Variants in GSK3B observed in about 807,000 individuals in gnomAD.
GSK3B encodes the protein glycogen synthase kinase 3 beta, also known as glycogen synthase kinase-3 beta.
GSK3B carries 15 observed loss-of-function variants against 56.4 expected under a neutral mutation model. The ratio of observed to expected loss-of-function variants is 0.27; its 90% CI spans 0.18 to 0.41. The LOEUF is 0.41. GSK3B is among the 10% of genes least tolerant of loss of function. The pLI, the probability that GSK3B is intolerant of heterozygous loss-of-function variation, is 1.00. For synonymous variants in GSK3B, 181 were observed against 188.9 expected, an observed-to-expected ratio of 0.96 and a Z score of 0.34; for missense variants, 300 against 513.4, an observed-to-expected ratio of 0.58 and a Z score of 4.02.
At position 119,825,808 on chromosome 3, in the gene GSK3B, C is replaced by T. The variant is rs1443442682; in HGVS notation, c.*980G>A. 9.1e-6 allele frequency: 2 copies of T among 220,326 alleles called. No homozygotes were observed. The highest frequency in any genetic ancestry group is 1.8e-5 in the Non-Finnish European group (2 of 110,130). 13.6% of individuals were successfully genotyped at this position (220,326 alleles called of 1,614,324 possible). A position where few individuals can be genotyped will look rare whatever the true frequency, so the allele number is the denominator to read the frequency against. ...ACATTATTTAACTACAATGTCCTCT[C>T]AAGTGTATCTTTCCAAGGGAAGTAA... On this transcript the variant is annotated 3_prime_UTR_variant, in exon 11 of 11. Coordinates refer to ENST00000264235, the MANE Select transcript of GSK3B (RefSeq NM_001146156.2).
Position 119,863,868 on chromosome 3 carries a change from C to T in GSK3B, c.910-263G>A, listed in dbSNP as rs550606959. ...AATCAGACATGCATACAAAATATGA[C>T]AGGCACATGGGAAAGGCTGAGTTCT... On this transcript the variant is annotated intron_variant, in intron 8 of 10. Transcript: ENST00000264235. 1.0e-3 allele frequency among the ~76,000 whole-genome samples: 158 copies of T among 152,256 alleles called. 1 individual carries two copies. Among genetic ancestry groups the T allele is most frequent in the Non-Finnish European group, 1.2e-4 (8 of 68,028 alleles).
intron 7 of GSK3B, among the ~76,000 whole-genome samples, chr3:119,901,463 A>C (rs1259689871): frequency 6.6e-6 from 1 of 152,198 alleles, no homozygotes; most frequent in Non-Finnish European, 1.5e-5. Context: ...AACTTATTCT[A>C]AAGATAATGT....
chr3:119,921,767 A>G (rs2056841822), intron 4 of GSK3B, among the ~76,000 whole-genome samples: 1 of 152,224 alleles, frequency 6.6e-6, no homozygotes, highest in Non-Finnish European at 1.5e-5. Flanking sequence ...GCAAATATAA[A>G]CTGGGTATCT....
intron 2 of GSK3B, among the ~76,000 whole-genome samples, chr3:119,998,202 C>T (rs2057642687): frequency 1.3e-5 from 2 of 152,162 alleles, no homozygotes; most frequent in African/African-American, 4.8e-5. Context: ...TCCTGGTATT[C>T]ACACCCTTGT....
Position 119,939,086 on chromosome 3 carries a change from T to TG in GSK3B, c.366+8181dup, listed in dbSNP as rs906904994. ...AAGCTTTTGGGGCTAAAAGGGGGGC[T>TG]GGGGGGAGAGAAAATAGTGAGATAT... is the stretch of plus-strand genomic sequence containing the variant. On this transcript the variant is annotated intron_variant, in intron 3 of 10. Coordinates refer to ENST00000264235, the MANE Select transcript of GSK3B (RefSeq NM_001146156.2). Among the ~76,000 whole-genome samples the TG allele has an allele frequency of 3.3e-5, 5 of 149,910 alleles. No individual in the cohort carries two copies. The East Asian group carries it at 9.7e-4, about 29-fold the overall frequency.
intron 2 of GSK3B, among the ~76,000 whole-genome samples, chr3:119,988,922 G>T (rs760500691): frequency 2.0e-5 from 3 of 152,116 alleles, no homozygotes; most frequent in Non-Finnish European, 4.4e-5. Flanking sequence ...ACTGGAAAAA[G>T]AAAATTATAT....
At chr3:120,092,827 T>C (rs567638961) in intron 1 of GSK3B, among the ~76,000 whole-genome samples, 86 of 152,320 alleles carry the variant, frequency 5.6e-4, no homozygotes, top group African/African-American at 1.6e-3. Context: ...GAACAAATAT[T>C]ATGTGTAGTC....
At chr3:119,878,673 AT>A (rs959444504) in intron 7 of GSK3B, among the ~76,000 whole-genome samples, 34 of 152,152 alleles carry the variant, frequency 2.2e-4, no homozygotes, top group African/African-American at 3.4e-4. Flanking sequence ...TGCATAGCAT[AT>A]TTTTTTTAAC....
intron 2 of GSK3B, among the ~76,000 whole-genome samples, chr3:119,995,694 G>C (rs1364730370): frequency 6.7e-6 from 1 of 150,318 alleles, no homozygotes; most frequent in Non-Finnish European, 1.5e-5. Flanking sequence ...AAAGTGCTGG[G>C]ATTACAGGCA....
In GSK3B at chr3:119,861,763, C is replaced by A. The variant is rs114898010; in HGVS notation, c.1096+1656G>T. On this transcript the variant is annotated intron_variant, in intron 9 of 10. Transcript: ENST00000264235. ...GGGGCCATACCTCAAAATGATAGCA[C>A]TTTCAATAATATACTTAGTATGCGT... Among the ~76,000 whole-genome samples, 651 of 152,286 alleles carry A rather than the reference C, an allele frequency of 4.3e-3. 8 individuals are homozygous for A. Among genetic ancestry groups the A allele is most frequent in the Middle Eastern group, 0.02 (6 of 294 alleles).
chr3:120,076,959 G>A (rs2058372453), intron 1 of GSK3B, among the ~76,000 whole-genome samples: 1 of 151,458 alleles, frequency 6.6e-6, no homozygotes, highest in Non-Finnish European at 1.5e-5. Flanking sequence ...ACCATGATGA[G>A]ATACCACCTC....
At chr3:119,926,627 C>T (rs753351193) in intron 3 of GSK3B, among the ~76,000 whole-genome samples, 1 of 152,090 alleles carries the variant, frequency 6.6e-6, no homozygotes, top group Non-Finnish European at 1.5e-5. Context: ...ACTACACACC[C>T]ATCTCATTAT....
At chr3:120,087,661 C>T (rs1467129330) in intron 1 of GSK3B, among the ~76,000 whole-genome samples, 1 of 152,078 alleles carries the variant, frequency 6.6e-6, no homozygotes, top group Non-Finnish European at 1.5e-5. Context: ...CCATGGTACT[C>T]TGGAAATAAA....
At chr3:119,866,113 T>C (rs959615762) in intron 8 of GSK3B, among the ~76,000 whole-genome samples, 1 of 152,134 alleles carries the variant, frequency 6.6e-6, no homozygotes, top group Non-Finnish European at 1.5e-5. Context: ...CTGACCATAA[T>C]ACAGGGTGAG....
intron 3 of GSK3B, 78 bp downstream of exon 3, chr3:119,947,190 T>C: frequency 1.2e-6 from 1 of 866,590 alleles, no homozygotes. Flanking sequence ...AAACTGTCTA[T>C]GAGCGGTGGG....
intron 1 of GSK3B, among the ~76,000 whole-genome samples, chr3:120,035,765 TCA>T (rs2058017381): frequency 6.6e-6 from 1 of 152,244 alleles, no homozygotes; most frequent in South Asian, 2.1e-4. Context: ...TTCCTTAATT[TCA>T]GTTTCAGTTT....
chr3:119,861,824 T>C (rs1366695351), intron 9 of GSK3B, among the ~76,000 whole-genome samples: 4 of 152,056 alleles, frequency 2.6e-5, no homozygotes, highest in South Asian at 4.2e-4. Context: ...AGGATGAAAA[T>C]TGCCTAATAA....
intron 10 of GSK3B, among the ~76,000 whole-genome samples, chr3:119,833,311 T>C (rs1186325615): frequency 3.3e-5 from 5 of 152,040 alleles, no homozygotes; most frequent in Non-Finnish European, 7.4e-5. Context: ...AAAATAAACA[T>C]AGGAGACAGG....
chr3:119,904,655 C>A (rs536922758), intron 7 of GSK3B, among the ~76,000 whole-genome samples: 92 of 152,214 alleles, frequency 6.0e-4, no homozygotes, highest in African/African-American at 2.1e-3. Context: ...TGAGGAGTTA[C>A]AGCTCAGTAC....
Sources: allele counts gnomAD v4.1 joint callset (sites outside exome capture counted in the v4.1 genomes callset), GRCh38; gene constraint gnomAD v4.1.1; transcripts MANE v1.5; gene names NCBI Gene and HGNC (gene_info 2026-07-23, HGNC 2026-07-21).